Variants in B3GALT1 observed in about 807,000 individuals in gnomAD.
The protein encoded by B3GALT1 is UDP-Gal:betaGlcNAc beta 1,3-galactosyltransferase, polypeptide 1.
B3GALT1 carries 10 observed loss-of-function variants against 23.2 expected under a neutral mutation model. The ratio of observed to expected loss-of-function variants is 0.43; its 90% CI spans 0.27 to 0.73. The LOEUF (loss-of-function observed/expected upper bound fraction) is 0.73, where lower values mean the gene tolerates loss of function less well. Ranked by LOEUF, B3GALT1 falls within the 30% of genes least tolerant of loss-of-function variation. The pLI is 0.21. For missense variants in B3GALT1, 299 were observed against 405.4 expected (o/e 0.74, Z 2.25); for synonymous variants, 156 against 141.5 (o/e 1.10, Z -0.73).
At position 167,868,998 on chromosome 2, in the gene B3GALT1, G is replaced by A; in HGVS notation, c.-42G>A. On this transcript the variant is annotated 5_prime_UTR_variant, in exon 5 of 5. Coordinates refer to ENST00000392690, the MANE Select transcript of B3GALT1 (RefSeq NM_020981.4). Reference sequence around the variant, plus strand: ...GATGAAAACAAACTAGTGCCAAGGAGGCGTATTCTTCAATATTTGGAATAG... The same window carrying A: ...GATGAAAACAAACTAGTGCCAAGGAAGCGTATTCTTCAATATTTGGAATAG... 3 of 1,536,948 alleles carry A rather than the reference G, an allele frequency of 2.0e-6. No individual in the cohort carries two copies. The highest frequency in any genetic ancestry group is 2.6e-6 in the Non-Finnish European group (3 of 1,144,148).
chr2:167,722,215 T>A (rs1687246311), intron 3 of B3GALT1, among the ~76,000 whole-genome samples: 1 of 152,234 alleles, frequency 6.6e-6, no homozygotes, highest in Non-Finnish European at 1.5e-5. Flanking sequence ...AATGTAAGTA[T>A]AAATTCCATT....
At chr2:167,412,257 G>A (rs948549712) in intron 1 of B3GALT1, among the ~76,000 whole-genome samples, 5 of 151,880 alleles carry the variant, frequency 3.3e-5, no homozygotes, top group Admixed American at 1.3e-4. Context: ...GAAGTAAATC[G>A]AGTTATATCA....
At chr2:167,373,742 A>G (rs1189264817) in intron 1 of B3GALT1, among the ~76,000 whole-genome samples, 1 of 152,144 alleles carries the variant, frequency 6.6e-6, no homozygotes, top group Admixed American at 6.6e-5. Context: ...TATTTTTAGT[A>G]GAGATGGGGT....
At chr2:167,562,162 C>G (rs531677369) in intron 2 of B3GALT1, among the ~76,000 whole-genome samples, 36 of 152,286 alleles carry the variant, frequency 2.4e-4, no homozygotes, top group African/African-American at 8.4e-4. Context: ...ATATGCAAAT[C>G]AATAAATGTA....
At chr2:167,351,167 G>T (rs2105255279) in intron 1 of B3GALT1, among the ~76,000 whole-genome samples, 1 of 151,970 alleles carries the variant, frequency 6.6e-6, no homozygotes, top group Non-Finnish European at 1.5e-5. Context: ...TACTCAGGAG[G>T]CTGAGGCGGG....
At chr2:167,564,377 G>A (rs1684105640) in intron 2 of B3GALT1, among the ~76,000 whole-genome samples, 1 of 151,048 alleles carries the variant, frequency 6.6e-6, no homozygotes, top group Non-Finnish European at 1.5e-5. Flanking sequence ...CCACTCTCCA[G>A]ACTGGGCAGC....
intron 1 of B3GALT1, among the ~76,000 whole-genome samples, chr2:167,298,380 T>C (rs1696390875): frequency 6.6e-6 from 1 of 152,146 alleles, no homozygotes; most frequent in African/African-American, 2.4e-5. Flanking sequence ...ATAATAGAAA[T>C]GACTGCATCT....
At chr2:167,346,245 A>G (rs1697220219) in intron 1 of B3GALT1, among the ~76,000 whole-genome samples, 2 of 152,170 alleles carry the variant, frequency 1.3e-5, no homozygotes, top group Admixed American at 1.3e-4. Flanking sequence ...CCCATTGAGT[A>G]TGCCCCACAC....
In B3GALT1 at chr2:167,687,606, AAAC is replaced by A. The variant is rs1446834573; in HGVS notation, c.-352+40643_-352+40645del. ...CTAAATTCTAAATACATTTGACTAAAAACAAAATTGATATTAAAAATAAAGAAC... is the reference window on the plus strand; with the variant it reads ...CTAAATTCTAAATACATTTGACTAAAAAAATTGATATTAAAAATAAAGAAC... On this transcript the variant is annotated intron_variant, in intron 3 of 4. Coordinates refer to ENST00000392690, the MANE Select transcript of B3GALT1 (RefSeq NM_020981.4). Among the ~76,000 whole-genome samples the A allele has an allele frequency of 2.6e-5, 4 of 152,296 alleles. No individual in the cohort carries two copies. In the South Asian group the frequency reaches 6.2e-4, roughly 24 times the overall value.
chr2:167,729,851 A>G (rs1337011342), intron 3 of B3GALT1, among the ~76,000 whole-genome samples: 1 of 152,094 alleles, frequency 6.6e-6, no homozygotes, highest in Non-Finnish European at 1.5e-5. Context: ...AAAAGAGCTA[A>G]GGGGCATCCT....
In B3GALT1 at chr2:167,608,268, A is replaced by G. The variant is rs139138305; in HGVS notation, c.-409-38641A>G. The stretch of plus-strand genomic sequence containing the variant: ...CAACTAATAAGATAGAGAGTTGCTT[A>G]GTAAATAGGGAATCAGGAAGCTATT... On this transcript the variant is annotated intron_variant, in intron 2 of 4. Coordinates refer to ENST00000392690, the MANE Select transcript of B3GALT1 (RefSeq NM_020981.4). Among the ~76,000 whole-genome samples, 1,380 of 152,342 alleles carry G rather than the reference A, an allele frequency of 9.1e-3. 12 individuals carry two copies. The highest frequency in any genetic ancestry group is 0.036 in the South Asian group (173 of 4,826).
intron 1 of B3GALT1, among the ~76,000 whole-genome samples, chr2:167,348,342 C>A (rs747620388): frequency 1.3e-5 from 2 of 152,098 alleles, no homozygotes; most frequent in Non-Finnish European, 2.9e-5. Context: ...AAGTTTCCTT[C>A]AGGCAGTGTT....
At chr2:167,471,102 A>G (rs2105330917) in intron 1 of B3GALT1, among the ~76,000 whole-genome samples, 1 of 152,344 alleles carries the variant, frequency 6.6e-6, no homozygotes, top group South Asian at 2.1e-4. Flanking sequence ...CTAAAAATAG[A>G]TAAGCAGAAT....
chr2:167,471,352 C>T (rs1219035208), intron 1 of B3GALT1, among the ~76,000 whole-genome samples: 1 of 152,124 alleles, frequency 6.6e-6, no homozygotes, highest in Non-Finnish European at 1.5e-5. Flanking sequence ...CAGTTTTATC[C>T]TTTCAAAGTT....
chr2:167,630,358 A>G (rs1685418832), intron 2 of B3GALT1, among the ~76,000 whole-genome samples: 1 of 151,806 alleles, frequency 6.6e-6, no homozygotes, highest in South Asian at 2.1e-4. Context: ...CTAGATTATG[A>G]GAGATTGTAA....
chr2:167,826,854 G>A (rs11893625), intron 4 of B3GALT1, among the ~76,000 whole-genome samples: 2,301 of 152,274 alleles, frequency 0.015, 76 homozygotes, highest in African/African-American at 0.053. Context: ...ATCTAGAGAT[G>A]ATTTAAAGCA....
intron 1 of B3GALT1, among the ~76,000 whole-genome samples, chr2:167,295,324 G>A (rs749594526): frequency 2.0e-5 from 3 of 152,132 alleles, no homozygotes; most frequent in Non-Finnish European, 4.4e-5. Flanking sequence ...ATAGTTTGTG[G>A]TGGTTGTTCT....
chr2:167,752,678 T>C (rs180673896), intron 3 of B3GALT1, among the ~76,000 whole-genome samples: 58 of 151,018 alleles, frequency 3.8e-4, no homozygotes, highest in Non-Finnish European at 7.2e-4. Context: ...CTCGGATTCT[T>C]AGAAATTAAC....
chr2:167,830,716 T>A (rs79330540), intron 4 of B3GALT1, among the ~76,000 whole-genome samples: 15,392 of 152,298 alleles, frequency 0.1, 988 homozygotes, highest in Middle Eastern at 0.19. Flanking sequence ...AAGTGCTTCC[T>A]TAACCCGTGT....
Sources: gnomAD v4.1 joint callset for allele counts (sites outside exome capture counted in the v4.1 genomes callset) on GRCh38, gnomAD v4.1.1 for gene constraint, MANE v1.5 for transcripts, NCBI Gene and HGNC (gene_info 2026-07-23, HGNC 2026-07-21) for gene names.